The following MAP4K2 variants were observed in gnomAD, a reference collection of about 807,000 sequenced individuals.
The protein encoded by MAP4K2 is mitogen-activated protein kinase kinase kinase kinase 2.
In MAP4K2, 85 loss-of-function variants were observed where a neutral mutation model predicts 125.3. The ratio of observed to expected loss-of-function variants is 0.68; its 90% CI spans 0.57 to 0.81. The LOEUF is 0.81. Among genes scored for constraint, MAP4K2 ranks in the 40% least tolerant of loss-of-function variants. The probability of loss-of-function intolerance (pLI) is 0.00; values close to 1 mark genes in which losing one functional copy is unlikely to be tolerated. For synonymous variants in MAP4K2, 479 were observed against 445.1 expected, an observed-to-expected ratio of 1.08 and a Z score of -0.96; for missense variants, 923 against 1,056.4, an observed-to-expected ratio of 0.87 and a Z score of 1.75.
intron 10 of MAP4K2, 106 bp downstream of exon 10, chr11:64,800,658 G>C: frequency 6.8e-7 from 1 of 1,466,452 alleles, no homozygotes; most frequent in South Asian, 1.2e-5. Context: ...TAGTAGCCCA[G>C]AAAGGACAGG....
chr11:64,789,458 G>T lies in MAP4K2; in HGVS notation c.*79C>A. The T allele has an allele frequency of 2.3e-6, 3 of 1,298,498 alleles. No homozygotes were observed. Among genetic ancestry groups the T allele is most frequent in the Non-Finnish European group, 2.2e-6 (2 of 919,420 alleles). 80.4% of individuals were successfully genotyped at this position (1,298,498 alleles called of 1,614,324 possible). A position where few individuals can be genotyped will look rare whatever the true frequency, so the allele number is the denominator to read the frequency against. ...CCAGGGCCTGGGCTCCTCTGGTCTA[G>T]GATGGGCCCCTTTGCCCAAAAGGGC... is the stretch of plus-strand genomic sequence containing the variant. On this transcript the variant is annotated 3_prime_UTR_variant, in exon 32 of 32. Transcript: ENST00000294066.
intron 21 of MAP4K2, 32 bp from the exon 22 acceptor site, chr11:64,796,745 A>C: frequency 6.2e-7 from 1 of 1,613,682 alleles, no homozygotes; most frequent in Non-Finnish European, 8.5e-7. Flanking sequence ...CAGAGGTCAG[A>C]CATGGCCCCT....
At position 64,797,137 on chromosome 11, in the gene MAP4K2, G is replaced by C; in HGVS notation, c.1332C>G (p.Ala444=). The change falls in exon 19 of 32, where the codon GCC becomes GCG. Residue 444 remains alanine, a synonymous_variant. Transcript: ENST00000294066. The part of the protein sequence containing the change: ...GPNSSPLLPT[A]WATMKQREDP... ...CCTCCCGCTGCTTCATGGTGGCCCA[G>C]GCCGTGGGCAGCAGTGGGGAGCTGT... 6.2e-7 allele frequency: 1 copy of C among 1,614,188 alleles called. No individual in the cohort carries two copies. Among genetic ancestry groups the C allele is most frequent in the African/African-American group, 1.3e-5 (1 of 75,058 alleles).
At position 64,797,653 on chromosome 11, in the gene MAP4K2, T is replaced by G; in HGVS notation, c.1109A>C (p.Gln370Pro). The G allele has an allele frequency of 6.4e-7, 1 of 1,572,798 alleles. No homozygotes were observed. ...GKEELSGSLL[Q>P]SVQEALEERS... is the part of the protein sequence containing the mutation. ...TTCCTCCAGGGCCTCCTGGACCGAC[T>G]GCAGCAGGCTCCTGGGCAGTGGGGA... The change falls in exon 16 of 32, where the codon CAG becomes CCG. Residue 370 changes from glutamine (Q) to proline (P), a missense_variant. By Grantham distance (76) the Gln-to-Pro change is moderately conservative. Transcript: ENST00000294066.
chr11:64,801,902 G>A, intron 5 of MAP4K2, 145 bp from the exon 6 acceptor site: 1 of 1,135,002 alleles, frequency 8.8e-7, no homozygotes, highest in Non-Finnish European at 1.3e-6. Context: ...AGAGGGAAAT[G>A]GACTGCTTCC....
At chr11:64,801,863 C>T in intron 5 of MAP4K2, 106 bp from the exon 6 acceptor site, 1 of 1,276,404 alleles carries the variant, frequency 7.8e-7, no homozygotes, top group Non-Finnish European at 1.1e-6. Flanking sequence ...TCTTCCTCCC[C>T]TCTCCCCAAA....
At chr11:64,799,089 G>A (rs1941002346) in intron 14 of MAP4K2, among the ~76,000 whole-genome samples, 1 of 152,174 alleles carries the variant, frequency 6.6e-6, no homozygotes, top group African/African-American at 2.4e-5. Context: ...GCCGATGAGG[G>A]CAGAGACAGA....
rs1339267213 is a variant in MAP4K2 at position 64,786,386 on chromosome 11, TCAC to T, written c.*3148_*3150del. 1 of 152,202 alleles carries T rather than the reference TCAC, an allele frequency of 6.6e-6. No homozygotes were observed. The highest frequency in any genetic ancestry group is 1.5e-5 in the Non-Finnish European group (1 of 68,068). The allele number at this position is 152,202 out of a possible 1,614,324, so 9.4% of individuals were successfully genotyped here. ...AAGGGCAGATTGCAGGGACTCCTCT[TCAC>T]CACATCTTGTCCATTCCCTTACTCG... On this transcript the variant is annotated 3_prime_UTR_variant, in exon 32 of 32. Transcript: ENST00000294066.
In MAP4K2 at chr11:64,799,733, C is replaced by T. The variant is rs766444773; in HGVS notation, c.916-50G>A. On this transcript the variant is annotated intron_variant, in intron 12 of 31. Coordinates refer to ENST00000294066, the MANE Select transcript of MAP4K2 (RefSeq NM_004579.5). The stretch of plus-strand genomic sequence containing the variant: ...GACACACCTGGCACGCGCCTCATGC[C>T]GGGGCTGCTCTAGGAGCTTCACACG... 6.7e-5 allele frequency: 101 copies of T among 1,503,304 alleles called. No individual in the cohort carries two copies. The Admixed American group carries it at 9.1e-4, about 14-fold the overall frequency. The allele number at this position is 1,503,304 out of a possible 1,614,324, so 93.1% of individuals were successfully genotyped here. A position where few individuals can be genotyped will look rare whatever the true frequency, so the allele number is the denominator to read the frequency against.
Position 64,792,210 on chromosome 11 carries a change from G to A in MAP4K2, c.1876C>T (p.Gln626Ter). The stretch of plus-strand genomic sequence containing the variant: ...AACTTCTGCAGCGGCTCATACCACT[G>A]CAGCAGGAGCAGGCTGGTGGGCAGG... Reference protein sequence around the residue: ...AALPTSLLLLQWYEPLQKFLL... With the variant: ...AALPTSLLLL Residue 626 changes from glutamine (Q) to a stop codon, truncating the protein, a stop_gained, in exon 26 of 32, where the codon CAG becomes TAG. Coordinates refer to ENST00000294066, the MANE Select transcript of MAP4K2 (RefSeq NM_004579.5). LOFTEE classifies it high-confidence loss of function. 1 of 1,612,404 alleles carries A rather than the reference G, an allele frequency of 6.2e-7. No homozygotes were observed.
At position 64,800,216 on chromosome 11, in the gene MAP4K2, G is replaced by A; in HGVS notation, c.808C>T (p.His270Tyr). 6.2e-7 allele frequency: 1 copy of A among 1,612,920 alleles called. No individual in the cohort carries two copies. The highest frequency in any genetic ancestry group is 8.5e-7 in the Non-Finnish European group (1 of 1,179,846). ...GGGAGCTGCTGAGTCGTGAACGGGT[G>A]CTGGAAAGTGGGGGAGGGGGGTGAT... is the stretch of plus-strand genomic sequence containing the variant. ...KRPTAEKLLQ[H>Y]PFTTQQLPRA... The change falls in exon 12 of 32, where the codon CAC becomes TAC. Residue 270 changes from histidine to tyrosine, a missense_variant and splice_region_variant. Physicochemically the swap from His to Tyr is moderately conservative, Grantham distance 83. Coordinates refer to ENST00000294066, the MANE Select transcript of MAP4K2 (RefSeq NM_004579.5).
rs1940194092 is a variant in MAP4K2 at position 64,786,192 on chromosome 11, T to C, written c.*3345A>G. 6.6e-6 allele frequency: 1 copy of C among 152,242 alleles called. No homozygotes were observed. The highest frequency in any genetic ancestry group is 1.5e-5 in the Non-Finnish European group (1 of 68,050). 9.4% of individuals were successfully genotyped at this position (152,242 alleles called of 1,614,324 possible). On this transcript the variant is annotated 3_prime_UTR_variant, in exon 32 of 32. Coordinates refer to ENST00000294066, the MANE Select transcript of MAP4K2 (RefSeq NM_004579.5). ...TGTTTTTGAGCTTTATAATATGCTA[T>C]CGTACTGTGCATAAAGTGCTGTTTT... is the stretch of plus-strand genomic sequence containing the variant.
chr11:64,798,880 G>C lies in MAP4K2; in HGVS notation c.1054-43C>G, dbSNP rs750368512. ...AGAGACCGGGGAAGAAGCAGAGACAGATGCAACGTGAGAGGGCGCTCAAGA... is the reference window on the plus strand; with the variant it reads ...AGAGACCGGGGAAGAAGCAGAGACACATGCAACGTGAGAGGGCGCTCAAGA... On this transcript the variant is annotated intron_variant, in intron 14 of 31. Transcript: ENST00000294066. 30 of 1,528,172 alleles carry C rather than the reference G, an allele frequency of 2.0e-5. No homozygotes were observed. The Admixed American group carries it at 5.5e-4, about 28-fold the overall frequency. 94.7% of individuals were successfully genotyped at this position (1,528,172 alleles called of 1,614,324 possible).
chr11:64,800,645 C>G, intron 10 of MAP4K2, 119 bp downstream of exon 10: 1 of 1,387,658 alleles, frequency 7.2e-7, no homozygotes, highest in Non-Finnish European at 9.8e-7. Context: ...CTCAGATGGT[C>G]TGTAGTAGCC....
chr11:64,793,717 G>A (rs745785603), intron 24 of MAP4K2, among the ~76,000 whole-genome samples: 3 of 152,166 alleles, frequency 2.0e-5, no homozygotes, highest in Non-Finnish European at 4.4e-5. Flanking sequence ...CTGGTCTTTG[G>A]ATGGGACAAA....
chr11:64,798,918 GAA>G, intron 14 of MAP4K2, 81 bp from the exon 15 acceptor site: 1 of 1,214,762 alleles, frequency 8.2e-7, no homozygotes, highest in South Asian at 1.4e-5. Flanking sequence ...TTCAGGAAAG[GAA>G]AGACAGACAG....
rs1255833816 is a variant in MAP4K2, at chr11:64,796,905, G to A, written c.1408-12C>T. 6.2e-7 allele frequency: 1 copy of A among 1,613,992 alleles called. No homozygotes were observed. Among genetic ancestry groups the A allele is most frequent in the South Asian group, 1.1e-5 (1 of 91,086 alleles). On this transcript the variant is annotated splice_polypyrimidine_tract_variant and intron_variant, in intron 20 of 31. Coordinates refer to ENST00000294066, the MANE Select transcript of MAP4K2 (RefSeq NM_004579.5). ...AAGCAGGCGCCCATCTGCAGAGGAG[G>A]CAAGAGGCTGGCGAGGGAGTGCAGG...
chr11:64,801,834 GC>G, intron 5 of MAP4K2, 77 bp from the exon 6 acceptor site: 7 of 1,512,116 alleles, frequency 4.6e-6, no homozygotes, highest in Non-Finnish European at 6.4e-6. Context: ...CAGGACTGGG[GC>G]CCCCCACTCA....
In MAP4K2 at chr11:64,802,937, G is replaced by C; in HGVS notation, c.102C>G (p.Arg34=). ...AGTYGDVYKA[R]DTVTSELAAV... ...CGGCCAGTTCGGACGTGACCGTGTC[G>C]CGGGCCTGCAGGGGCGGAGGGTGAA... Residue 34 remains arginine (R), a synonymous_variant, in exon 2 of 32, where the codon CGC becomes CGG. Coordinates refer to ENST00000294066, the MANE Select transcript of MAP4K2 (RefSeq NM_004579.5). The C allele has an allele frequency of 6.3e-7, 1 of 1,583,140 alleles. No homozygotes were observed. Among genetic ancestry groups the C allele is most frequent in the Admixed American group, 1.7e-5 (1 of 57,598 alleles).
Sources: gnomAD v4.1 joint callset for allele counts (sites outside exome capture counted in the v4.1 genomes callset) on GRCh38, gnomAD v4.1.1 for gene constraint, MANE v1.5 for transcripts, NCBI Gene and HGNC (gene_info 2026-07-23, HGNC 2026-07-21) for gene names.